KNL1: variants seen among roughly 807,000 people sequenced by gnomAD.
The protein encoded by KNL1 is outer kinetochore KNL1 complex subunit KNL1.
A neutral mutation model predicts 201.3 loss-of-function variants in KNL1; 66 were observed. The ratio of observed to expected loss-of-function variants is 0.33; its 90% CI spans 0.27 to 0.40. The LOEUF is 0.40. KNL1 is among the 10% of genes least tolerant of loss of function. The probability of loss-of-function intolerance (pLI) is 1.00; values close to 1 mark genes in which losing one functional copy is unlikely to be tolerated. For missense variants in KNL1, 2,815 were observed against 2,690.5 expected (o/e 1.05, Z -1.02); for synonymous variants, 895 against 899.2 (o/e 1.00, Z 0.08).
At chr15:40,605,929 C>T (rs532343220) in intron 3 of KNL1, among the ~76,000 whole-genome samples, 1 of 152,310 alleles carries the variant, frequency 6.6e-6, no homozygotes, top group East Asian at 1.9e-4. Context: ...GATTCTTTCC[C>T]TATAATTACT....
chr15:40,621,497 G>T lies in KNL1; in HGVS notation c.1233G>T (p.Met411Ile). 6.2e-7 allele frequency: 1 copy of T among 1,613,900 alleles called. No homozygotes were observed. The highest frequency in any genetic ancestry group is 1.1e-5 in the South Asian group (1 of 91,054). The change falls in exon 10 of 26, where the codon ATG becomes ATT. Residue 411 changes from methionine to isoleucine, a missense_variant. Around this residue, in one of 3 missense-constraint regions of KNL1, gnomAD observed 2,464 missense variants for 2,291.7 expected, o/e 1.08. Coordinates refer to ENST00000399668, the MANE Select transcript of KNL1 (RefSeq NM_144508.5). The stretch of plus-strand genomic sequence containing the variant: ...ATCAGGATGCCAGAATATTAGCCAT[G>T]ACCCCAGAATCTATATATTCTAATC... ...TCNQDARILA[M>I]TPESIYSNPS...
intron 7 of KNL1, among the ~76,000 whole-genome samples, chr15:40,613,999 T>C (rs7167768): frequency 0.79 from 118,827 of 151,330 alleles, 47,622 homozygotes; most frequent in Non-Finnish European, 0.85. Flanking sequence ...AGGGTTTCAC[T>C]GTGTTAGCCA....
intron 14 of KNL1, among the ~76,000 whole-genome samples, chr15:40,642,597 A>T (rs1366815351): frequency 6.6e-6 from 1 of 152,120 alleles, no homozygotes; most frequent in Non-Finnish European, 1.5e-5. Context: ...TGGCTGTGTC[A>T]GGATTTCCCT....
At chr15:40,597,484 AG>A (rs1385203653) in intron 1 of KNL1, among the ~76,000 whole-genome samples, 1 of 152,210 alleles carries the variant, frequency 6.6e-6, no homozygotes, top group Non-Finnish European at 1.5e-5. Flanking sequence ...CATGTTGTCC[AG>A]GCTGGTCTTG....
intron 13 of KNL1, among the ~76,000 whole-genome samples, chr15:40,636,882 C>G (rs1035566837): frequency 6.6e-6 from 1 of 152,056 alleles, no homozygotes; most frequent in Non-Finnish European, 1.5e-5. Flanking sequence ...TCCCCTCCCC[C>G]GCATTATTGT....
chr15:40,632,373 C>T (rs1276011609), intron 13 of KNL1, among the ~76,000 whole-genome samples: 1 of 152,082 alleles, frequency 6.6e-6, no homozygotes, highest in Non-Finnish European at 1.5e-5. Context: ...CTTTGGGAGG[C>T]AGAGGCAGGA....
chr15:40,623,482 A>T lies in KNL1; in HGVS notation c.3218A>T (p.Asp1073Val). The change falls in exon 10 of 26, where the codon GAC (aspartate) becomes GTC (valine). Residue 1073 changes from aspartate to valine, a missense_variant. Transcript: ENST00000399668. ...AGAAAAAGCCTTAAGCTAAAAAATGACAAGACCATTGTATTTTCAGAGAAT... is the reference window on the plus strand; with the variant it reads ...AGAAAAAGCCTTAAGCTAAAAAATGTCAAGACCATTGTATTTTCAGAGAAT... Reference protein sequence around the residue: ...QRRKSLKLKNDKTIVFSENHK... With the variant: ...QRRKSLKLKNVKTIVFSENHK... 6.2e-7 allele frequency: 1 copy of T among 1,612,206 alleles called. No individual in the cohort carries two copies. The highest frequency in any genetic ancestry group is 8.5e-7 in the Non-Finnish European group (1 of 1,179,486).
At chr15:40,604,451 A>T (rs1891909299) in intron 2 of KNL1, among the ~76,000 whole-genome samples, 1 of 152,122 alleles carries the variant, frequency 6.6e-6, no homozygotes, top group Non-Finnish European at 1.5e-5. Flanking sequence ...GGCTCAAGTG[A>T]TTCTCCTGCC....
At chr15:40,658,574 A>G (rs1893809196) in intron 24 of KNL1, among the ~76,000 whole-genome samples, 1 of 150,094 alleles carries the variant, frequency 6.7e-6, no homozygotes, top group Non-Finnish European at 1.5e-5. Flanking sequence ...AAAAAAAAAA[A>G]AAAAAGAAAG....
chr15:40,604,182 T>C (rs901252265), intron 2 of KNL1, among the ~76,000 whole-genome samples: 6 of 151,708 alleles, frequency 4.0e-5, no homozygotes, highest in South Asian at 4.2e-4. Flanking sequence ...AGAGGGACTT[T>C]AGATACTATC....
chr15:40,630,568 A>G lies in KNL1; in HGVS notation c.5682+1197A>G, dbSNP rs370621558. ...CCACTTCCCATTGCTTGCATTACCA[A>G]CTGAGCTCTGCCTCCTTTCAGATCA... On this transcript the variant is annotated intron_variant, in intron 13 of 25. Transcript: ENST00000399668. Among the ~76,000 whole-genome samples, 16 of 152,262 alleles carry G rather than the reference A, an allele frequency of 1.1e-4. No homozygotes were observed. The South Asian group carries it at 2.3e-3, about 22-fold the overall frequency.
intron 7 of KNL1, among the ~76,000 whole-genome samples, chr15:40,614,105 T>A (rs1056753420): frequency 2.8e-5 from 4 of 144,550 alleles, no homozygotes; most frequent in African/African-American, 1.0e-4. Flanking sequence ...GCCCCCCTTT[T>A]TTTTTTTTTT....
At chr15:40,602,992 A>T (rs763800008) in intron 2 of KNL1, 26 bp downstream of exon 2, 1 of 1,455,328 alleles carries the variant, frequency 6.9e-7, no homozygotes, top group Non-Finnish European at 9.6e-7. Context: ...GCAGCTAAAA[A>T]TATTATATTC....
At chr15:40,654,077 G>A (rs1256753417) in intron 21 of KNL1, among the ~76,000 whole-genome samples, 1 of 152,154 alleles carries the variant, frequency 6.6e-6, no homozygotes, top group East Asian at 1.9e-4. Flanking sequence ...GGTTGAGTAT[G>A]CTGTTTTTCT....
chr15:40,602,363 C>T (rs9920642), intron 1 of KNL1, among the ~76,000 whole-genome samples: 53,441 of 147,750 alleles, frequency 0.36, 10,343 homozygotes, highest in Non-Finnish European at 0.44. Context: ...GTCTCGATCT[C>T]CTGACCTTGT....
At chr15:40,606,587 C>A in intron 4 of KNL1, 135 bp downstream of exon 4, 1 of 538,438 alleles carries the variant, frequency 1.9e-6, no homozygotes, top group East Asian at 2.8e-5. Flanking sequence ...TACTGGCATT[C>A]TTGATTTTTC....
Position 40,615,779 on chromosome 15 carries a change from T to G in KNL1, c.322+401T>G, listed in dbSNP as rs141215148. 0.011 allele frequency: 1,693 copies of G among 150,732 alleles called. 72 individuals are homozygous for G. In the East Asian group the frequency reaches 0.11, roughly 10 times the overall value. 9.3% of individuals were successfully genotyped at this position (150,732 alleles called of 1,614,324 possible). ...GCTTTGTTCTTTTTTTTTTTTTTTC[T>G]TTTTGAGATGGAGTTTTGCTCTTAT... On this transcript the variant is annotated intron_variant, in intron 8 of 25. Coordinates refer to ENST00000399668, the MANE Select transcript of KNL1 (RefSeq NM_144508.5).
chr15:40,620,417 TAGCC>T (rs1892479789), intron 9 of KNL1, among the ~76,000 whole-genome samples: 1 of 152,120 alleles, frequency 6.6e-6, no homozygotes, highest in Admixed American at 6.6e-5. Context: ...TTCACCATGT[TAGCC>T]AGGATGGTCT....
intron 13 of KNL1, among the ~76,000 whole-genome samples, chr15:40,640,082 T>TTTTC (rs577566118): frequency 0.012 from 1,841 of 151,116 alleles, 39 homozygotes; most frequent in African/African-American, 0.042. Context: ...TTTTCTTTTT[T>TTTTC]TTCTTTTTTT....
Sources: allele counts gnomAD v4.1 joint callset (sites outside exome capture counted in the v4.1 genomes callset), GRCh38; gene constraint gnomAD v4.1.1; regional missense constraint gnomAD v4.1.1; transcripts MANE v1.5; gene names NCBI Gene and HGNC (gene_info 2026-07-23, HGNC 2026-07-21).